ESYT3: variants seen among roughly 807,000 people sequenced by gnomAD.
ESYT3 encodes extended synaptotagmin 3.
In ESYT3, 101 loss-of-function variants were observed where a neutral mutation model predicts 111.5. The ratio of observed to expected loss-of-function variants is 0.91; its 90% CI spans 0.77 to 1.07. The LOEUF (loss-of-function observed/expected upper bound fraction) is 1.07. ESYT3 is among the 50% of genes least tolerant of loss of function. The pLI is 0.00. For synonymous variants in ESYT3, 416 were observed against 446.8 expected (o/e 0.93, Z 0.87); for missense variants, 1,097 against 1,109.4 (o/e 0.99, Z 0.16).
At chr3:138,461,097 T>C (rs1356381111) in intron 7 of ESYT3, among the ~76,000 whole-genome samples, 2 of 152,228 alleles carry the variant, frequency 1.3e-5, no homozygotes, top group Non-Finnish European at 2.9e-5. Context: ...TTCACTTCTC[T>C]GGGCTCTTCC....
rs1416504581 is a variant in ESYT3, at chr3:138,478,920, A to G, written c.*2066A>G. On this transcript the variant is annotated 3_prime_UTR_variant, in exon 23 of 23. Coordinates refer to ENST00000389567, the MANE Select transcript of ESYT3 (RefSeq NM_031913.5). The stretch of plus-strand genomic sequence containing the variant: ...CCCCCAAACCTAAGACGGAATGTGA[A>G]TATTGGTTTAGAACCTGGAAGCCTG... 6.6e-6 allele frequency: 1 copy of G among 152,222 alleles called. No individual in the cohort carries two copies. Among genetic ancestry groups the G allele is most frequent in the Non-Finnish European group, 1.5e-5 (1 of 68,046 alleles). 9.4% of individuals were successfully genotyped at this position (152,222 alleles called of 1,614,324 possible).
At chr3:138,470,023 C>T in intron 15 of ESYT3, 37 bp from the exon 16 acceptor site, 1 of 1,588,374 alleles carries the variant, frequency 6.3e-7, no homozygotes, top group Non-Finnish European at 8.6e-7. Context: ...TCTGCCCAAC[C>T]TAACCCTTCA....
rs568741206 is a variant in ESYT3, at chr3:138,443,386, C to T, written c.327+8261C>T. Among the ~76,000 whole-genome samples, 384 of 152,272 alleles carry T rather than the reference C, an allele frequency of 2.5e-3. 1 individual carries two copies. Among genetic ancestry groups the T allele is most frequent in the Non-Finnish European group, 4.2e-3 (287 of 68,016 alleles). ...CAGAGGAAAAAAAGGACAAAGTCTG[C>T]GCATCAGGAGAAAAGTGACATCAAA... is the stretch of plus-strand genomic sequence containing the variant. On this transcript the variant is annotated intron_variant, in intron 1 of 22. Coordinates refer to ENST00000389567, the MANE Select transcript of ESYT3 (RefSeq NM_031913.5).
At position 138,467,324 on chromosome 3, in the gene ESYT3, T is replaced by TGG. The variant is rs2032978672; in HGVS notation, c.1170-234_1170-233dup. 3.9e-5 allele frequency among the ~76,000 whole-genome samples: 6 copies of TGG among 152,232 alleles called. No individual in the cohort carries two copies. In the South Asian group the frequency reaches 1.2e-3, roughly 32 times the overall value. ...TCCAGCAGCCTCTGCTTGTCCCCTG[T>TGG]GGGGATGGGAGCCCCCTTCCTCCCC... On this transcript the variant is annotated intron_variant, in intron 10 of 22. Coordinates refer to ENST00000389567, the MANE Select transcript of ESYT3 (RefSeq NM_031913.5).
At chr3:138,455,130 G>A in intron 2 of ESYT3, 64 bp from the exon 3 acceptor site, 1 of 1,584,874 alleles carries the variant, frequency 6.3e-7, no homozygotes, top group Non-Finnish European at 8.6e-7. Context: ...CTTGTCCCAT[G>A]CAGCTGTGGG....
At chr3:138,451,046 C>T (rs2031892783) in intron 1 of ESYT3, among the ~76,000 whole-genome samples, 2 of 152,238 alleles carry the variant, frequency 1.3e-5, no homozygotes, top group Non-Finnish European at 2.9e-5. Flanking sequence ...TGTAAGAAAA[C>T]CCCTGGGGGA....
chr3:138,447,229 A>G (rs1487430264), intron 1 of ESYT3, among the ~76,000 whole-genome samples: 2 of 152,228 alleles, frequency 1.3e-5, no homozygotes, highest in Admixed American at 1.3e-4. Context: ...ATGATTAATA[A>G]CCTGATCACA....
intron 3 of ESYT3, among the ~76,000 whole-genome samples, chr3:138,455,980 G>T (rs1046794512): frequency 6.6e-6 from 1 of 152,196 alleles, no homozygotes; most frequent in Non-Finnish European, 1.5e-5. Context: ...CCCTCAGCCA[G>T]AGACCACTGT....
intron 11 of ESYT3, 147 bp from the exon 12 acceptor site, chr3:138,467,958 C>G: frequency 3.0e-6 from 2 of 661,114 alleles, no homozygotes; most frequent in Non-Finnish European, 5.3e-6. Context: ...CAGAGCATAC[C>G]CTGTCTGGGC....
chr3:138,467,491 G>C, intron 10 of ESYT3, 70 bp from the exon 11 acceptor site: 1 of 1,475,366 alleles, frequency 6.8e-7, no homozygotes, highest in Non-Finnish European at 9.5e-7. Context: ...AGAGTCCAGT[G>C]TGGGCCTCCA....
chr3:138,475,991 T>C (rs1409605554), intron 20 of ESYT3, among the ~76,000 whole-genome samples: 1 of 152,228 alleles, frequency 6.6e-6, no homozygotes, highest in African/African-American at 2.4e-5. Flanking sequence ...CACAGCAGTC[T>C]GAGGCACTTC....
At position 138,435,065 on chromosome 3, in the gene ESYT3, C is replaced by A; in HGVS notation, c.267C>A (p.Phe89Leu). The change falls in exon 1 of 23, where the codon TTC becomes TTA. Residue 89 changes from phenylalanine (F) to leucine (L), a missense_variant. Phe to Leu is a conservative substitution (Grantham distance 22, BLOSUM62 0). Coordinates refer to ENST00000389567, the MANE Select transcript of ESYT3 (RefSeq NM_031913.5). This position sits in a 1 kb window ranked among gnomAD's most constrained non-coding sequence, Gnocchi z 4.8. ...GGCGCCTGGCCGCCGCCTTCGAATTCCTTGACAATGAACGCGAGTTCATCA... is the reference window on the plus strand; with the variant it reads ...GGCGCCTGGCCGCCGCCTTCGAATTACTTGACAATGAACGCGAGTTCATCA... ...KLGRLAAAFE[F>L]LDNEREFISR... The A allele has an allele frequency of 6.3e-7, 1 of 1,594,652 alleles. No individual in the cohort carries two copies.
Position 138,471,035 on chromosome 3 carries a change from C to T in ESYT3, c.1740+9C>T. 6.2e-7 allele frequency: 1 copy of T among 1,610,724 alleles called. No homozygotes were observed. Among genetic ancestry groups the T allele is most frequent in the Non-Finnish European group, 8.5e-7 (1 of 1,177,520 alleles). ...TGAGGCTGGTGCTTCGGGTAAATCT[C>T]TCCGGTCCCCTGGGGGAGGGGAGGA... On this transcript the variant is annotated intron_variant, in intron 17 of 22. Transcript: ENST00000389567.
At position 138,437,713 on chromosome 3, in the gene ESYT3, A is replaced by T. The variant is rs1419010317; in HGVS notation, c.327+2588A>T. 2.0e-5 allele frequency among the ~76,000 whole-genome samples: 3 copies of T among 152,072 alleles called. 1 individual carries two copies. Among genetic ancestry groups the T allele is most frequent in the African/African-American group, 7.2e-5 (3 of 41,402 alleles). On this transcript the variant is annotated intron_variant, in intron 1 of 22. Transcript: ENST00000389567. ...AGGAGACAGGCCAGTTGGGAAGGTG[A>T]TTTCAGCCAAGATGGTAGTAATGAG...
At chr3:138,457,099 A>G (rs1224044548) in intron 3 of ESYT3, among the ~76,000 whole-genome samples, 1 of 151,984 alleles carries the variant, frequency 6.6e-6, no homozygotes, top group East Asian at 1.9e-4. Flanking sequence ...TGCGCTCACC[A>G]CACCCCCTTT....
At chr3:138,458,419 C>A (rs774005) in intron 4 of ESYT3, among the ~76,000 whole-genome samples, 1 of 152,110 alleles carries the variant, frequency 6.6e-6, no homozygotes, top group Non-Finnish European at 1.5e-5. Flanking sequence ...GTTGTGTGGC[C>A]CACTCAGCTG....
intron 7 of ESYT3, among the ~76,000 whole-genome samples, chr3:138,460,875 CCACA>C (rs137885621): frequency 6.6e-6 from 1 of 152,120 alleles, no homozygotes; most frequent in Admixed American, 6.5e-5. Context: ...CCCGCCCACA[CCACA>C]CACACACACC....
At chr3:138,444,131 C>A (rs1338994201) in intron 1 of ESYT3, among the ~76,000 whole-genome samples, 3 of 152,212 alleles carry the variant, frequency 2.0e-5, no homozygotes, top group Non-Finnish European at 4.4e-5. Flanking sequence ...TTTACCTCTT[C>A]TCTCTAAATT....
intron 2 of ESYT3, among the ~76,000 whole-genome samples, chr3:138,454,804 T>C (rs1002713997): frequency 3.7e-4 from 56 of 152,360 alleles, no homozygotes; most frequent in African/African-American, 1.3e-3. Flanking sequence ...CTTTCTCTTC[T>C]GTAATTTTTT....
Sources: gnomAD v4.1 joint callset for allele counts (sites outside exome capture counted in the v4.1 genomes callset) on GRCh38, gnomAD v4.1.1 for gene constraint, Gnocchi (gnomAD v3.1) non-coding constraint, MANE v1.5 for transcripts, NCBI Gene and HGNC (gene_info 2026-07-23, HGNC 2026-07-21) for gene names.